Variants in TAFA1 observed in about 807,000 individuals in gnomAD.
TAFA1 encodes the protein TAFA chemokine like family member 1, also known as chemokine-like protein TAFA-1.
In TAFA1, 4 loss-of-function variants were observed where a neutral mutation model predicts 18.5. That is an observed-to-expected ratio of 0.22 (90% CI 0.11 to 0.49). TAFA1 has a LOEUF of 0.49. Ranked by LOEUF, TAFA1 falls within the 20% of genes least tolerant of loss-of-function variation. The pLI, the probability that TAFA1 is intolerant of heterozygous loss-of-function variation, is 0.98. For synonymous variants in TAFA1, 56 were observed against 55.2 expected (o/e 1.01, Z -0.06); for missense variants, 147 against 169.0 (o/e 0.87, Z 0.72).
At chr3:68,435,106 G>T (rs1289508299) in intron 3 of TAFA1, among the ~76,000 whole-genome samples, 2 of 152,116 alleles carry the variant, frequency 1.3e-5, no homozygotes, top group African/African-American at 4.8e-5. Flanking sequence ...GGTGTTAAAT[G>T]ATGGAAGCAG....
rs2106721069 is a variant in TAFA1 at position 68,327,670 on chromosome 3, C to T, written c.119-89610C>T. On this transcript the variant is annotated intron_variant, in intron 2 of 4. Transcript: ENST00000478136. Reference sequence around the variant, plus strand: ...CTCAGTGCTGGGCACAAAGTGAGTACTCAACAAAGGGCATTAGTTGGGGTA... The same window carrying T: ...CTCAGTGCTGGGCACAAAGTGAGTATTCAACAAAGGGCATTAGTTGGGGTA... 2.6e-5 allele frequency among the ~76,000 whole-genome samples: 4 copies of T among 152,276 alleles called. No individual in the cohort carries two copies. In the Middle Eastern group the frequency reaches 0.01, roughly 388 times the overall value.
intron 2 of TAFA1, among the ~76,000 whole-genome samples, chr3:68,306,222 T>G (rs2068418907): frequency 6.6e-6 from 1 of 152,212 alleles, no homozygotes; most frequent in East Asian, 1.9e-4. Flanking sequence ...CTTCATGGTC[T>G]TTACCCAGGT....
chr3:68,538,999 A>G (rs1485412654), intron 4 of TAFA1, 119 bp downstream of exon 4: 1 of 1,044,194 alleles, frequency 9.6e-7, no homozygotes, highest in Non-Finnish European at 1.4e-6. Flanking sequence ...CACTGACAGA[A>G]AGCATTCTGA....
At chr3:68,153,441 T>A (rs2065830958) in intron 2 of TAFA1, among the ~76,000 whole-genome samples, 1 of 151,862 alleles carries the variant, frequency 6.6e-6, no homozygotes. Context: ...GATGAGAGAG[T>A]GGAAAGAATA....
chr3:68,343,242 C>T (rs151334467), intron 2 of TAFA1, among the ~76,000 whole-genome samples: 1 of 152,282 alleles, frequency 6.6e-6, no homozygotes, highest in Non-Finnish European at 1.5e-5. Flanking sequence ...AAGTATAAGT[C>T]TTCAGACCAC....
rs193194011 is a variant in TAFA1 at position 68,415,706 on chromosome 3, G to C, written c.119-1574G>C. ...ACAGACTCTACCATATGTCAGGCTC[G>C]GCACTAACCCCTTTACATGTGTTCT... On this transcript the variant is annotated intron_variant, in intron 2 of 4. Transcript: ENST00000478136. Among the ~76,000 whole-genome samples the C allele has an allele frequency of 9.7e-4, 148 of 151,940 alleles. 1 individual carries two copies. Among genetic ancestry groups the C allele is most frequent in the Admixed American group, 3.0e-3 (46 of 15,264 alleles).
intron 2 of TAFA1, among the ~76,000 whole-genome samples, chr3:68,241,402 C>G (rs1193317397): frequency 6.6e-6 from 1 of 152,108 alleles, no homozygotes; most frequent in Non-Finnish European, 1.5e-5. Context: ...AATACTATTT[C>G]CACAGGAGAC....
chr3:68,138,516 A>T (rs7622220), intron 2 of TAFA1, among the ~76,000 whole-genome samples: 97,033 of 152,110 alleles, frequency 0.64, 31,812 homozygotes, highest in South Asian at 0.77. Context: ...TCAAGGCTGA[A>T]TTTCTTTAGC....
intron 2 of TAFA1, among the ~76,000 whole-genome samples, chr3:68,251,681 G>T (rs1260392886): frequency 6.6e-6 from 1 of 152,198 alleles, no homozygotes; most frequent in Non-Finnish European, 1.5e-5. Context: ...ACCATCATGT[G>T]CAAAGGTCCT....
intron 2 of TAFA1, among the ~76,000 whole-genome samples, chr3:68,245,664 T>C (rs992029201): frequency 1.3e-5 from 2 of 152,202 alleles, no homozygotes; most frequent in Admixed American, 1.3e-4. Context: ...GAAAATGTCA[T>C]GGATAGAGCA....
chr3:68,433,715 T>C (rs1451994362), intron 3 of TAFA1, among the ~76,000 whole-genome samples: 1 of 152,122 alleles, frequency 6.6e-6, no homozygotes, highest in Non-Finnish European at 1.5e-5. Context: ...AAATTTAAGT[T>C]CCCAAATCTG....
chr3:68,364,121 G>A (rs1217555583), intron 2 of TAFA1, among the ~76,000 whole-genome samples: 1 of 152,208 alleles, frequency 6.6e-6, no homozygotes, highest in Admixed American at 6.5e-5. Context: ...ACAACAGAAA[G>A]TGAAATCAGA....
chr3:68,319,869 T>C (rs2068670339), intron 2 of TAFA1, among the ~76,000 whole-genome samples: 1 of 152,208 alleles, frequency 6.6e-6, no homozygotes, highest in Non-Finnish European at 1.5e-5. Flanking sequence ...TACTGAGCTA[T>C]TTAAATTCTT....
chr3:68,483,765 G>T (rs533870773), intron 3 of TAFA1, among the ~76,000 whole-genome samples: 6 of 152,318 alleles, frequency 3.9e-5, no homozygotes, highest in African/African-American at 1.2e-4. Context: ...AACAGCAAGA[G>T]CTAAGACTTT....
intron 3 of TAFA1, among the ~76,000 whole-genome samples, chr3:68,473,946 A>G (rs1010108864): frequency 6.6e-6 from 1 of 152,070 alleles, no homozygotes; most frequent in African/African-American, 2.4e-5. Flanking sequence ...CTAGATAAAC[A>G]TTTGTTGAAT....
intron 3 of TAFA1, among the ~76,000 whole-genome samples, chr3:68,516,862 G>A (rs1466014951): frequency 6.6e-6 from 1 of 151,900 alleles, no homozygotes; most frequent in East Asian, 1.9e-4. Flanking sequence ...CAACCTCCAC[G>A]TCCTGGGTTC....
At chr3:68,485,819 T>C (rs1205806427) in intron 3 of TAFA1, among the ~76,000 whole-genome samples, 2 of 152,202 alleles carry the variant, frequency 1.3e-5, no homozygotes, top group Admixed American at 1.3e-4. Flanking sequence ...AAAAAGCCAG[T>C]AAGCATTTAA....
At chr3:68,066,908 G>A (rs1362866374) in intron 2 of TAFA1, among the ~76,000 whole-genome samples, 1 of 152,132 alleles carries the variant, frequency 6.6e-6, no homozygotes, top group Non-Finnish European at 1.5e-5. Flanking sequence ...CTGTCAGGGT[G>A]GGAGAGTGAC....
intron 2 of TAFA1, among the ~76,000 whole-genome samples, chr3:68,149,989 T>A (rs1219439778): frequency 6.6e-6 from 1 of 152,234 alleles, no homozygotes; most frequent in Admixed American, 6.5e-5. Context: ...TTATTTCATT[T>A]GAGATACTGC....
Sources: gnomAD v4.1 joint callset for allele counts (sites outside exome capture counted in the v4.1 genomes callset) on GRCh38, gnomAD v4.1.1 for gene constraint, MANE v1.5 for transcripts, NCBI Gene and HGNC (gene_info 2026-07-23, HGNC 2026-07-21) for gene names.